Variants in NECAB1 observed in about 807,000 individuals in gnomAD.
The protein encoded by NECAB1 is N-terminal EF-hand calcium binding protein 1, also known as N-terminal EF-hand calcium-binding protein 1.
NECAB1 carries 29 observed loss-of-function variants against 57.5 expected under a neutral mutation model. The ratio of observed to expected loss-of-function variants is 0.50; its 90% CI spans 0.38 to 0.69. NECAB1 has a LOEUF of 0.69. Among genes scored for constraint, NECAB1 ranks in the 30% least tolerant of loss-of-function variants. The probability of loss-of-function intolerance (pLI) is 0.00; values close to 1 mark genes in which losing one functional copy is unlikely to be tolerated. For missense variants in NECAB1, 372 were observed against 413.8 expected, an observed-to-expected ratio of 0.90 and a Z score of 0.88; for synonymous variants, 142 against 147.7, an observed-to-expected ratio of 0.96 and a Z score of 0.28.
chr8:90,808,640 C>CTTTTTTTTTTTTTTTTTT (rs200075536), intron 2 of NECAB1, among the ~76,000 whole-genome samples: 12 of 81,280 alleles, frequency 1.5e-4, no homozygotes, highest in African/African-American at 5.2e-4. Context: ...TTTTTCTTTT[C>CTTTTTTTTTTTTTTTTTT]TTTTTTTTTT....
intron 2 of NECAB1, among the ~76,000 whole-genome samples, chr8:90,823,424 G>GA (rs1246573298): frequency 6.6e-6 from 1 of 151,580 alleles, no homozygotes; most frequent in East Asian, 1.9e-4. Flanking sequence ...GTCCTTATCT[G>GA]AAAAAAATAA....
At chr8:90,953,579 C>A (rs1010745817) in intron 12 of NECAB1, among the ~76,000 whole-genome samples, 2 of 152,156 alleles carry the variant, frequency 1.3e-5, no homozygotes, top group Non-Finnish European at 2.9e-5. Context: ...AATTTTAAAA[C>A]CTACAACATT....
At chr8:90,939,195 C>T (rs1331379858) in intron 9 of NECAB1, among the ~76,000 whole-genome samples, 1 of 152,198 alleles carries the variant, frequency 6.6e-6, no homozygotes, top group Admixed American at 6.5e-5. Context: ...TACTTACTAC[C>T]CATCCATTTA....
chr8:90,909,031 T>G (rs1195567103), intron 5 of NECAB1, among the ~76,000 whole-genome samples: 2 of 152,176 alleles, frequency 1.3e-5, no homozygotes, highest in Non-Finnish European at 2.9e-5. Context: ...GTTTAGGCTT[T>G]ACTGATTGCC....
chr8:90,827,228 A>C, intron 3 of NECAB1, among the ~76,000 whole-genome samples: 1 of 151,996 alleles, frequency 6.6e-6, no homozygotes, highest in East Asian at 1.9e-4. Flanking sequence ...TTTCCTCCAA[A>C]TCCTGCCTCT....
In NECAB1 at chr8:90,949,804, C is replaced by T. The variant is rs773914680; in HGVS notation, c.861-3C>T. The T allele has an allele frequency of 6.3e-7, 1 of 1,577,418 alleles. No individual in the cohort carries two copies. The highest frequency in any genetic ancestry group is 1.7e-5 in the Admixed American group (1 of 57,934). ...TAATTATGCCTTTTATTTTCCATTT[C>T]AGTATTTCTATACAGAAGCTTTCAA... On this transcript the variant is annotated splice_polypyrimidine_tract_variant and splice_region_variant and intron_variant, in intron 10 of 12. Coordinates refer to ENST00000417640, the MANE Select transcript of NECAB1 (RefSeq NM_022351.5).
chr8:90,859,715 A>G (rs1402706461), intron 3 of NECAB1, among the ~76,000 whole-genome samples: 1 of 152,192 alleles, frequency 6.6e-6, no homozygotes, highest in African/African-American at 2.4e-5. Flanking sequence ...TATCCAAAAA[A>G]TCGTAAACAT....
chr8:90,815,694 A>G (rs1194997460), intron 2 of NECAB1, among the ~76,000 whole-genome samples: 1 of 152,018 alleles, frequency 6.6e-6, no homozygotes, highest in African/African-American at 2.4e-5. Flanking sequence ...ATATGGATTT[A>G]AGATTCATTC....
chr8:90,949,800 A>T lies in NECAB1; in HGVS notation c.861-7A>T. 1 of 1,567,460 alleles carries T rather than the reference A, an allele frequency of 6.4e-7. No homozygotes were observed. Among genetic ancestry groups the T allele is most frequent in the Non-Finnish European group, 8.7e-7 (1 of 1,145,440 alleles). On this transcript the variant is annotated splice_polypyrimidine_tract_variant and splice_region_variant and intron_variant, in intron 10 of 12. Transcript: ENST00000417640. Reference sequence around the variant, plus strand: ...TAGCTAATTATGCCTTTTATTTTCCATTTCAGTATTTCTATACAGAAGCTT... The same window carrying T: ...TAGCTAATTATGCCTTTTATTTTCCTTTTCAGTATTTCTATACAGAAGCTT...
intron 5 of NECAB1, among the ~76,000 whole-genome samples, chr8:90,908,917 T>G (rs1430492325): frequency 6.6e-6 from 1 of 152,188 alleles, no homozygotes; most frequent in East Asian, 1.9e-4. Context: ...TCATTTTCTC[T>G]GTATTGCATT....
intron 2 of NECAB1, among the ~76,000 whole-genome samples, chr8:90,811,824 T>C (rs1198679613): frequency 6.6e-6 from 1 of 152,230 alleles, no homozygotes; most frequent in East Asian, 1.9e-4. Flanking sequence ...GAATTTCTCC[T>C]TTACATTAAT....
intron 2 of NECAB1, among the ~76,000 whole-genome samples, chr8:90,818,131 T>C (rs551093763): frequency 6.6e-6 from 1 of 151,920 alleles, no homozygotes; most frequent in Non-Finnish European, 1.5e-5. Flanking sequence ...GGAACAACAA[T>C]GATTAACTCT....
At chr8:90,820,416 G>T (rs1215623002) in intron 2 of NECAB1, among the ~76,000 whole-genome samples, 2 of 151,916 alleles carry the variant, frequency 1.3e-5, no homozygotes, top group Non-Finnish European at 2.9e-5. Context: ...ATTTCTATGA[G>T]TTCATTTGGT....
intron 3 of NECAB1, among the ~76,000 whole-genome samples, chr8:90,851,810 G>C (rs752569101): frequency 6.6e-6 from 1 of 151,950 alleles, no homozygotes. Context: ...TTACATTAGA[G>C]CTTACTCTTC....
Position 90,871,119 on chromosome 8 carries a change from G to A in NECAB1, c.234-1009G>A, listed in dbSNP as rs187680355. ...TACTAATTAAAGGACAACTGGATTA[G>A]GAAGAATATTTACATTGAGCATTGA... On this transcript the variant is annotated intron_variant, in intron 3 of 12. Transcript: ENST00000417640. 6.0e-3 allele frequency among the ~76,000 whole-genome samples: 912 copies of A among 152,216 alleles called. 5 individuals are homozygous for A. The highest frequency in any genetic ancestry group is 0.01 in the Non-Finnish European group (698 of 67,982).
chr8:90,941,286 T>C (rs1247703752), intron 10 of NECAB1, among the ~76,000 whole-genome samples: 3 of 152,236 alleles, frequency 2.0e-5, no homozygotes, highest in Non-Finnish European at 2.9e-5. Context: ...CTAGCTGTGA[T>C]TGCTCCCTTG....
chr8:90,941,689 C>A (rs550965366), intron 10 of NECAB1, among the ~76,000 whole-genome samples: 1 of 152,218 alleles, frequency 6.6e-6, no homozygotes, highest in East Asian at 1.9e-4. Context: ...ATTTGTTCTC[C>A]CTCATCTAAA....
intron 4 of NECAB1, among the ~76,000 whole-genome samples, chr8:90,875,515 A>AG (rs1808705732): frequency 7.1e-6 from 1 of 140,862 alleles, no homozygotes; most frequent in Non-Finnish European, 1.6e-5. Context: ...AAAAAAAAAA[A>AG]GAATAGGTAG....
chr8:90,896,420 TGGTG>T (rs1809334740), intron 5 of NECAB1, among the ~76,000 whole-genome samples: 1 of 151,926 alleles, frequency 6.6e-6, no homozygotes, highest in South Asian at 2.1e-4. Context: ...CTGGCTAACA[TGGTG>T]AAACCCCGTC....
Sources: gnomAD v4.1 joint callset for allele counts (sites outside exome capture counted in the v4.1 genomes callset) on GRCh38, gnomAD v4.1.1 for gene constraint, MANE v1.5 for transcripts, NCBI Gene and HGNC (gene_info 2026-07-23, HGNC 2026-07-21) for gene names.